Variants in ZNF808 observed in about 807,000 individuals in gnomAD.
ZNF808 encodes the protein zinc finger protein 808.
ZNF808 carries 5 observed loss-of-function variants against 8.7 expected under a neutral mutation model. That is an observed-to-expected ratio of 0.58 (90% CI 0.30 to 1.21). The LOEUF is 1.21. Ranked by LOEUF, ZNF808 falls within the 50% of genes most tolerant of loss-of-function variation. ZNF808 has a pLI of 0.07. For missense variants in ZNF808, 1,103 were observed against 1,098.4 expected (o/e 1.00, Z -0.06); for synonymous variants, 380 against 366.0 (o/e 1.04, Z -0.44).
chr19:52,558,796 C>T (rs1300192613), downstream of ZNF808, among the ~76,000 whole-genome samples: 1 of 152,174 alleles, frequency 6.6e-6, no homozygotes, highest in Non-Finnish European at 1.5e-5. Context: ...AATTCTTCTG[C>T]CTTGAGATGC....
chr19:52,541,249 CTT>C (rs762635770), intron 2 of ZNF808, among the ~76,000 whole-genome samples: 7 of 139,588 alleles, frequency 5.0e-5, no homozygotes, highest in African/African-American at 7.9e-5. Context: ...CCCGCCTGGC[CTT>C]TTTTTTTTTT....
At chr19:52,560,809 G>A (rs1313630587), downstream of ZNF808, among the ~76,000 whole-genome samples, 6 of 152,010 alleles carry the variant, frequency 3.9e-5, no homozygotes, top group African/African-American at 9.7e-5. Context: ...TCACTCCTAC[G>A]TGCCCATTCC....
intron 2 of ZNF808, among the ~76,000 whole-genome samples, chr19:52,536,624 C>T (rs1289557660): frequency 6.6e-6 from 1 of 152,174 alleles, no homozygotes; most frequent in Non-Finnish European, 1.5e-5. Flanking sequence ...GTATTCTTGC[C>T]TGCCCAGCTC....
At chr19:52,544,263 A>C (rs1001243699) in intron 3 of ZNF808, among the ~76,000 whole-genome samples, 1 of 152,146 alleles carries the variant, frequency 6.6e-6, no homozygotes, top group African/African-American at 2.4e-5. Flanking sequence ...GAGCTCAACT[A>C]ATCGCTACTG....
intron 4 of ZNF808, among the ~76,000 whole-genome samples, 169 bp downstream of exon 4, chr19:52,547,807 T>G (rs2059738239): frequency 6.7e-6 from 1 of 149,890 alleles, no homozygotes; most frequent in Non-Finnish European, 1.5e-5. Context: ...CAATGGTATA[T>G]CGGTTCACCA....
Position 52,555,856 on chromosome 19 carries a change from A to G in ZNF808, c.*228A>G, listed in dbSNP as rs566649675. ...CATCCTATGCAAAACAGGAGAATTC[A>G]TACAGGAGAGAAACCTCACAAGTGT... is the stretch of plus-strand genomic sequence containing the variant. On this transcript the variant is annotated 3_prime_UTR_variant, in exon 5 of 5. Coordinates refer to ENST00000359798, the MANE Select transcript of ZNF808 (RefSeq NM_001039886.4). 8.1e-5 allele frequency: 61 copies of G among 756,938 alleles called. No individual in the cohort carries two copies. In the Admixed American group the frequency reaches 8.5e-4, roughly 11 times the overall value. 46.9% of individuals were successfully genotyped at this position (756,938 alleles called of 1,614,324 possible).
chr19:52,554,131 T>G lies in ZNF808; in HGVS notation c.1215T>G (p.Gly405=). The part of the protein sequence containing the change: ...GEKTYKCNEC[G]KAFNHQSSLA... ...AAACATACAAGTGTAATGAGTGTGG[T>G]AAGGCTTTTAATCATCAATCAAGCC... The change falls in exon 5 of 5, where the codon GGT becomes GGG. Residue 405 remains glycine, a synonymous_variant. Transcript: ENST00000359798. The G allele has an allele frequency of 1.2e-6, 2 of 1,614,086 alleles. No homozygotes were observed. Among genetic ancestry groups the G allele is most frequent in the Non-Finnish European group, 8.5e-7 (1 of 1,180,006 alleles).
At chr19:52,566,601 T>G (rs2059873579), downstream of ZNF808, among the ~76,000 whole-genome samples, 1 of 152,198 alleles carries the variant, frequency 6.6e-6, no homozygotes, top group Non-Finnish European at 1.5e-5. Flanking sequence ...GCTATTACTA[T>G]GTTCTTGGGG....
In ZNF808 at chr19:52,547,420, A is replaced by G. The variant is rs1368986873; in HGVS notation, c.64-92A>G. 8 of 1,595,784 alleles carry G rather than the reference A, an allele frequency of 5.0e-6. No individual in the cohort carries two copies. The Admixed American group carries it at 1.5e-4, about 29-fold the overall frequency. On this transcript the variant is annotated intron_variant, in intron 3 of 4. Transcript: ENST00000359798. Reference sequence around the variant, plus strand: ...TTTTGTCAGAACACAGTCTTTGATCAAATAAATACTTATTTTCCCTTTTCT... The same window carrying G: ...TTTTGTCAGAACACAGTCTTTGATCGAATAAATACTTATTTTCCCTTTTCT...
rs527313448 is a variant in ZNF808, at chr19:52,541,908, A to G, written c.-19-1358A>G. On this transcript the variant is annotated intron_variant, in intron 2 of 4. Coordinates refer to ENST00000359798, the MANE Select transcript of ZNF808 (RefSeq NM_001039886.4). ...CCACGAGTGGCTTTCTAAACCCCCAAACACATTTCCTTGCAGTCTGCACAT... is the reference window on the plus strand; with the variant it reads ...CCACGAGTGGCTTTCTAAACCCCCAGACACATTTCCTTGCAGTCTGCACAT... Among the ~76,000 whole-genome samples the G allele has an allele frequency of 1.3e-4, 20 of 152,230 alleles. No individual in the cohort carries two copies. In the East Asian group the frequency reaches 2.5e-3, roughly 19 times the overall value.
chr19:52,543,828 A>T (rs2059695777), intron 3 of ZNF808, among the ~76,000 whole-genome samples: 1 of 149,402 alleles, frequency 6.7e-6, no homozygotes, highest in Non-Finnish European at 1.5e-5. Flanking sequence ...GTAGATCAAG[A>T]TGTCTCTGTG....
chr19:52,535,629 A>T (rs1450918203), intron 2 of ZNF808, among the ~76,000 whole-genome samples: 2 of 151,734 alleles, frequency 1.3e-5, no homozygotes, highest in South Asian at 2.1e-4. Context: ...CACAGGGTGG[A>T]CCCTCCCTCC....
intron 3 of ZNF808, among the ~76,000 whole-genome samples, chr19:52,546,911 G>T: frequency 6.8e-6 from 1 of 147,468 alleles, no homozygotes; most frequent in East Asian, 2.0e-4. Context: ...CAAAATGCTA[G>T]GATTACAGGC....
chr19:52,561,263 G>A (rs1295814489), downstream of ZNF808, among the ~76,000 whole-genome samples: 1 of 136,048 alleles, frequency 7.4e-6, no homozygotes, highest in Non-Finnish European at 1.5e-5. Flanking sequence ...TATACTTTAA[G>A]TTCTAGGGTA....
chr19:52,534,217 G>A (rs1599952799), intron 2 of ZNF808, among the ~76,000 whole-genome samples: 1 of 152,260 alleles, frequency 6.6e-6, no homozygotes, highest in African/African-American at 2.4e-5. Flanking sequence ...TTTTGTATTA[G>A]GCTTAGTGTT....
intron 1 of ZNF808, among the ~76,000 whole-genome samples, chr19:52,528,821 T>A (rs368012957): frequency 1.3e-5 from 2 of 151,460 alleles, no homozygotes; most frequent in African/African-American, 4.9e-5. Flanking sequence ...CAGAGATGGG[T>A]GAAGAGGCAG....
intron 1 of ZNF808, among the ~76,000 whole-genome samples, chr19:52,530,419 G>A (rs868530339): frequency 6.6e-6 from 1 of 151,216 alleles, no homozygotes; most frequent in Non-Finnish European, 1.5e-5. Flanking sequence ...ATCCCAGCAC[G>A]TTGGGAGACA....
Position 52,547,753 on chromosome 19 carries a change from T to C in ZNF808, c.190+115T>C, listed in dbSNP as rs1055380664. The C allele has an allele frequency of 1.7e-5, 26 of 1,521,910 alleles. No homozygotes were observed. In the Admixed American group the frequency reaches 4.1e-4, roughly 24 times the overall value. The allele number at this position is 1,521,910 out of a possible 1,614,324, so 94.3% of individuals were successfully genotyped here. A position where few individuals can be genotyped will look rare whatever the true frequency, so the allele number is the denominator to read the frequency against. On this transcript the variant is annotated intron_variant, in intron 4 of 4. Transcript: ENST00000359798. ...CATCCATGCTGGTTTTTTTTTTTTT[T>C]TTTTTTGACATGGAGTTTTGCTCTT...
At chr19:52,537,051 T>C (rs1033642862) in intron 2 of ZNF808, among the ~76,000 whole-genome samples, 1 of 151,998 alleles carries the variant, frequency 6.6e-6, no homozygotes, top group Non-Finnish European at 1.5e-5. Flanking sequence ...CTGGGCGCGG[T>C]TGCATATGCC....
Sources: gnomAD v4.1 joint callset for allele counts (sites outside exome capture counted in the v4.1 genomes callset) on GRCh38, gnomAD v4.1.1 for gene constraint, MANE v1.5 for transcripts, NCBI Gene and HGNC (gene_info 2026-07-23, HGNC 2026-07-21) for gene names.